Variants in OR2L13 observed in about 807,000 individuals in gnomAD.
OR2L13 encodes the protein olfactory receptor family 2 subfamily L member 13.
OR2L13 carries 14 observed loss-of-function variants against 15.3 expected under a neutral mutation model. The observed-to-expected ratio is 0.91, with a 90% confidence interval of 0.60 to 1.43. OR2L13 has a LOEUF of 1.43. Among genes scored for constraint, OR2L13 ranks in the 40% most tolerant of loss-of-function variants. The pLI is 0.00. For missense variants in OR2L13, 367 were observed against 387.9 expected, an observed-to-expected ratio of 0.95 and a Z score of 0.45; for synonymous variants, 152 against 142.9, an observed-to-expected ratio of 1.06 and a Z score of -0.45.
At chr1:247,985,016 T>A in the OR2L13 span, among the ~76,000 whole-genome samples, 7 of 152,232 alleles carry the variant, frequency 4.6e-5, no homozygotes, top group Non-Finnish European at 7.3e-5. Flanking sequence ...TCACTGAGCA[T>A]AATGTATTCA....
At chr1:248,018,055 T>C in the OR2L13 span, among the ~76,000 whole-genome samples, 2 of 151,492 alleles carry the variant, frequency 1.3e-5, no homozygotes, top group Non-Finnish European at 2.9e-5. Flanking sequence ...CTTGGGAGGC[T>C]GAGGCAGGAG....
the OR2L13 span, among the ~76,000 whole-genome samples, chr1:248,044,192 T>C: frequency 6.6e-6 from 1 of 152,022 alleles, no homozygotes; most frequent in Non-Finnish European, 1.5e-5. Flanking sequence ...ACAAAACGAG[T>C]GGACAATAAT....
At chr1:248,072,015 G>T in the OR2L13 span, among the ~76,000 whole-genome samples, 15 of 151,428 alleles carry the variant, frequency 9.9e-5, no homozygotes, top group South Asian at 1.9e-3. Flanking sequence ...ATGCTCATGG[G>T]TAGGAAGAAT....
At chr1:247,990,341 C>T in the OR2L13 span, 2 of 1,502,684 alleles carry the variant, frequency 1.3e-6, no homozygotes. Context: ...TTGGCCATTT[C>T]ATCTTCATTC....
At chr1:248,009,530 A>G in the OR2L13 span, among the ~76,000 whole-genome samples, 37 of 152,300 alleles carry the variant, frequency 2.4e-4, 2 homozygotes, top group Non-Finnish European at 3.5e-4. Flanking sequence ...GGCAGTAATT[A>G]ATAGCCTTAT....
At chr1:248,073,370 G>T in the OR2L13 span, among the ~76,000 whole-genome samples, 3 of 151,916 alleles carry the variant, frequency 2.0e-5, no homozygotes, top group Non-Finnish European at 4.4e-5. Context: ...GTAAGCTATC[G>T]CAAGGACAAA....
intron 1 of OR2L13, among the ~76,000 whole-genome samples, chr1:248,097,951 G>A (rs1664772001): frequency 1.3e-5 from 2 of 152,174 alleles, no homozygotes; most frequent in South Asian, 4.1e-4. Flanking sequence ...CTGCATCAAA[G>A]GCTGTCAACA....
chr1:247,960,924 TCA>T, the OR2L13 span, among the ~76,000 whole-genome samples: 1 of 152,132 alleles, frequency 6.6e-6, no homozygotes, highest in African/African-American at 2.4e-5. Context: ...TGGCTCACGC[TCA>T]GTGTGCTGCA....
upstream of OR2L13, chr1:248,095,152 A>C (rs1350905203): frequency 6.6e-6 from 1 of 152,242 alleles, no homozygotes; most frequent in Non-Finnish European, 1.5e-5. Context: ...TGGTGACTTA[A>C]GGTTCTGTGT....
At chr1:248,012,808 AAAT>A in the OR2L13 span, among the ~76,000 whole-genome samples, 5 of 152,140 alleles carry the variant, frequency 3.3e-5, no homozygotes, top group Non-Finnish European at 7.4e-5. Flanking sequence ...TTAATTAAAT[AAAT>A]GATTATTAAA....
the OR2L13 span, among the ~76,000 whole-genome samples, chr1:248,054,226 G>A: frequency 1.4e-4 from 22 of 152,094 alleles, no homozygotes; most frequent in Admixed American, 7.2e-4. Context: ...TCTTTTCCCC[G>A]TTGCTTGTTT....
the OR2L13 span, chr1:248,084,517 A>G: frequency 3.5e-5 from 56 of 1,612,976 alleles, no homozygotes; most frequent in Non-Finnish European, 4.7e-5. Context: ...CAGAACCATC[A>G]TGAAGAGGAC....
the OR2L13 span, among the ~76,000 whole-genome samples, chr1:247,995,235 A>G: frequency 6.6e-6 from 1 of 152,206 alleles, no homozygotes. Flanking sequence ...TTCTGAATGT[A>G]CTTGTTAAAC....
At chr1:248,007,716 ATTAT>A in the OR2L13 span, among the ~76,000 whole-genome samples, 3 of 152,142 alleles carry the variant, frequency 2.0e-5, no homozygotes, top group Admixed American at 6.6e-5. Flanking sequence ...TCGTTCTTTA[ATTAT>A]TTCCTGTCTT....
At chr1:248,035,378 G>A in the OR2L13 span, among the ~76,000 whole-genome samples, 1 of 152,060 alleles carries the variant, frequency 6.6e-6, no homozygotes, top group Admixed American at 6.6e-5. Context: ...GAACCTGGGA[G>A]GCGGAGCTTG....
At chr1:247,941,786 C>T in the OR2L13 span, among the ~76,000 whole-genome samples, 3 of 152,154 alleles carry the variant, frequency 2.0e-5, no homozygotes, top group South Asian at 2.1e-4. Flanking sequence ...CTCTTCATTT[C>T]ATTAATGAAT....
At chr1:247,980,190 A>G in the OR2L13 span, among the ~76,000 whole-genome samples, 2 of 152,170 alleles carry the variant, frequency 1.3e-5, no homozygotes, top group South Asian at 2.1e-4. Flanking sequence ...GTATTATACC[A>G]CAATCAATAG....
chr1:248,015,053 C>T, the OR2L13 span, among the ~76,000 whole-genome samples: 1 of 152,152 alleles, frequency 6.6e-6, no homozygotes, highest in Non-Finnish European at 1.5e-5. Flanking sequence ...AGAGCTGATG[C>T]ACTATCGTGG....
At chr1:248,060,590 G>A in the OR2L13 span, 28 of 958,574 alleles carry the variant, frequency 2.9e-5, 1 homozygote, top group South Asian at 2.5e-4. Context: ...ATTTACTGAG[G>A]GGCTTCAAAT....
Sources: gnomAD v4.1 joint callset for allele counts (sites outside exome capture counted in the v4.1 genomes callset) on GRCh38, gnomAD v4.1.1 for gene constraint, MANE v1.5 for transcripts, NCBI Gene and HGNC (gene_info 2026-07-23, HGNC 2026-07-21) for gene names.